RACK1: variants seen among roughly 807,000 people sequenced by gnomAD.
The protein encoded by RACK1 is small ribosomal subunit protein RACK1.
Under a neutral mutation model 42.2 loss-of-function variants are expected in RACK1, and 3 were observed. The observed-to-expected ratio is 0.07, with a 90% CI of 0.03 to 0.18. The LOEUF (loss-of-function observed/expected upper bound fraction) is 0.18. Ranked by LOEUF, RACK1 falls within the 10% of genes least tolerant of loss-of-function variation. The pLI, the probability that RACK1 is intolerant of heterozygous loss-of-function variation, is 1.00. For synonymous variants in RACK1, 181 were observed against 154.8 expected, an observed-to-expected ratio of 1.17 and a Z score of -1.25; for missense variants, 146 against 403.2, an observed-to-expected ratio of 0.36 and a Z score of 5.46.
chr5:181,236,924 A>G lies in RACK1; in HGVS notation c.*53T>C, dbSNP rs1759157953. On this transcript the variant is annotated 3_prime_UTR_variant, in exon 8 of 8. Coordinates refer to ENST00000512805, the MANE Select transcript of RACK1 (RefSeq NM_006098.5). ...TTTTGCATATAAGAAAAAAAAACCT[A>G]AAAGTCAGAAAAGCCAGTTTTTTTT... The G allele has an allele frequency of 1.1e-5, 17 of 1,553,108 alleles. No individual in the cohort carries two copies. The highest frequency in any genetic ancestry group is 1.3e-5 in the Non-Finnish European group (15 of 1,157,620).
At chr5:181,242,969 T>G in intron 1 of RACK1, 1 of 338,574 alleles carries the variant, frequency 3.0e-6, no homozygotes, top group South Asian at 2.2e-5. Context: ...GCACAGCAGT[T>G]TGTGGCTGTA....
chr5:181,241,702 A>G (rs769640440), intron 2 of RACK1, 63 bp from the exon 3 acceptor site: 103 of 1,555,402 alleles, frequency 6.6e-5, no homozygotes, highest in Non-Finnish European at 8.9e-5. Flanking sequence ...GGTCAGACTC[A>G]TTTCCTGGGC....
intron 7 of RACK1, chr5:181,237,266 G>A (rs1759174056): frequency 1.2e-6 from 1 of 823,372 alleles, no homozygotes; most frequent in Non-Finnish European, 2.0e-6. Flanking sequence ...CGGGTAGACT[G>A]TAAGAAACCG....
chr5:181,243,576 G>T, intron 1 of RACK1, 116 bp downstream of exon 1: 1 of 1,430,146 alleles, frequency 7.0e-7, no homozygotes, highest in Non-Finnish European at 9.5e-7. Context: ...AAGTCTGTCA[G>T]TCCCCGCCAA....
Position 181,237,725 on chromosome 5 carries a change from G to T in RACK1, c.778-6C>A, listed in dbSNP as rs373456604. 1.4e-4 allele frequency: 207 copies of T among 1,498,178 alleles called. No individual in the cohort carries two copies. Among genetic ancestry groups the T allele is most frequent in the Non-Finnish European group, 1.8e-4 (189 of 1,077,116 alleles). 92.8% of individuals were successfully genotyped at this position (1,498,178 alleles called of 1,614,324 possible). Reference sequence around the variant, plus strand: ...ATGATCTTTCCCTCTAAATCCTGGGGAACAGGGCAAAAGCAACCTTAAGAC... The same window carrying T: ...ATGATCTTTCCCTCTAAATCCTGGGTAACAGGGCAAAAGCAACCTTAAGAC... On this transcript the variant is annotated splice_polypyrimidine_tract_variant and splice_region_variant and intron_variant, in intron 6 of 7. Transcript: ENST00000512805.
At chr5:181,237,795 C>G (rs558199410) in intron 6 of RACK1, 76 bp from the exon 7 acceptor site, 19 of 896,764 alleles carry the variant, frequency 2.1e-5, no homozygotes, top group Non-Finnish European at 3.5e-5. Flanking sequence ...TCAAGATTCT[C>G]AAGTTAAAAA....
At chr5:181,237,395 G>A (rs1046512337) in intron 7 of RACK1, 2 of 695,716 alleles carry the variant, frequency 2.9e-6, no homozygotes, top group African/African-American at 3.5e-5. Context: ...ATTAATTGAA[G>A]GCTGACAGCC....
At chr5:181,243,289 C>T in intron 1 of RACK1, 3 of 1,357,774 alleles carry the variant, frequency 2.2e-6, no homozygotes, top group Non-Finnish European at 2.9e-6. Flanking sequence ...CACCTGCCTC[C>T]CCACGAGCCT....
At chr5:181,237,961 C>A in intron 6 of RACK1, 138 bp downstream of exon 6, 1 of 915,084 alleles carries the variant, frequency 1.1e-6, no homozygotes. Flanking sequence ...AACAGAGTTA[C>A]TCAGACCAAA....
chr5:181,237,224 C>T lies in RACK1; in HGVS notation c.889-182G>A, dbSNP rs866149550. The T allele has an allele frequency of 1.3e-5, 16 of 1,195,896 alleles. No individual in the cohort carries two copies. In the African/African-American group the frequency reaches 2.4e-4, roughly 18 times the overall value. The allele number at this position is 1,195,896 out of a possible 1,614,324, so 74.1% of individuals were successfully genotyped here. ...CCCTGCAGTTCAAGAGATCCTCCCA[C>T]CTCAGCCTCCAGTAGGCATGTGCCA... On this transcript the variant is annotated intron_variant, in intron 7 of 7. Transcript: ENST00000512805.
rs1759452075 is a variant in RACK1 at position 181,243,875 on chromosome 5, C to G, written c.-75G>C. ...GGCTTAGAGAAACTAGCACCACAAC[C>G]TCTCCTGCCGCCGCCTTGCAGTGAA... On this transcript the variant is annotated 5_prime_UTR_variant, in exon 1 of 8. Coordinates refer to ENST00000512805, the MANE Select transcript of RACK1 (RefSeq NM_006098.5). 1.3e-6 allele frequency: 2 copies of G among 1,502,576 alleles called. No individual in the cohort carries two copies. Among genetic ancestry groups the G allele is most frequent in the Non-Finnish European group, 1.8e-6 (2 of 1,121,716 alleles). The allele number at this position is 1,502,576 out of a possible 1,614,324, so 93.1% of individuals were successfully genotyped here.
At chr5:181,239,234 G>T in intron 4 of RACK1, 57 bp from the exon 5 acceptor site, 1 of 1,191,614 alleles carries the variant, frequency 8.4e-7, no homozygotes, top group Non-Finnish European at 1.3e-6. Context: ...GCTAGGGTCA[G>T]GCCCAACAAA....
intron 3 of RACK1, chr5:181,240,130 T>C: frequency 6.5e-6 from 1 of 154,224 alleles, no homozygotes; most frequent in South Asian, 1.9e-4. Flanking sequence ...CCAAGGTGGA[T>C]GGATCATGAG....
intron 7 of RACK1, 199 bp from the exon 8 acceptor site, chr5:181,237,241 C>A: frequency 2.0e-6 from 2 of 1,019,468 alleles, no homozygotes. Flanking sequence ...CTCCAGTAGG[C>A]ATGTGCCACA....
At chr5:181,240,816 A>T (rs1018845292) in intron 3 of RACK1, 1 of 152,272 alleles carries the variant, frequency 6.6e-6, no homozygotes, top group African/African-American at 2.4e-5. Context: ...GCGTGAGCCC[A>T]GCCCAGACAA....
In RACK1 at chr5:181,243,738, G is replaced by A. The variant is rs1287195125; in HGVS notation, c.63C>T (p.Ile21=). 1.2e-6 allele frequency: 2 copies of A among 1,610,002 alleles called. No homozygotes were observed. The highest frequency in any genetic ancestry group is 1.7e-6 in the Non-Finnish European group (2 of 1,178,324). Residue 21 remains isoleucine (I), a synonymous_variant, in exon 1 of 8, where the codon ATC becomes ATT. Transcript: ENST00000512805. ...LKGHNGWVTQ[I]ATTPQFPDMI... is the part of the protein sequence containing the mutation. ...TGTCCGGGAACTGCGGGGTAGTAGCGATCTGGGTTACCCAGCCGTTGTGGC... is the reference window on the plus strand; with the variant it reads ...TGTCCGGGAACTGCGGGGTAGTAGCAATCTGGGTTACCCAGCCGTTGTGGC...
intron 1 of RACK1, chr5:181,242,792 C>A (rs1042473818): frequency 5.9e-6 from 2 of 336,550 alleles, no homozygotes; most frequent in Non-Finnish European, 1.2e-5. Flanking sequence ...CTCCTGATCT[C>A]AAGTGATCCA....
chr5:181,239,124 G>A lies in RACK1; in HGVS notation c.579C>T (p.Gly193=). Residue 193 remains glycine, a synonymous_variant, in exon 5 of 8, where the codon GGC becomes GGT. Transcript: ENST00000512805. The part of the protein sequence containing the change: ...KLKTNHIGHT[G]YLNTVTVSPD... ...GAGAGACAGTCACCGTGTTCAGATA[G>A]CCTGTGTGGCCAATGTGGTTGGTCT... The A allele has an allele frequency of 6.2e-7, 1 of 1,614,028 alleles. No homozygotes were observed. Among genetic ancestry groups the A allele is most frequent in the African/African-American group, 1.3e-5 (1 of 75,026 alleles).
intron 1 of RACK1, chr5:181,242,596 C>T (rs1426524268): frequency 3.7e-6 from 2 of 535,670 alleles, no homozygotes; most frequent in Non-Finnish European, 7.2e-6. Flanking sequence ...CTCGCTCTGT[C>T]GCCCAGGCTG....
Sources: gnomAD v4.1 joint callset for allele counts on GRCh38, gnomAD v4.1.1 for gene constraint, MANE v1.5 for transcripts, NCBI Gene and HGNC (gene_info 2026-07-23, HGNC 2026-07-21) for gene names.